Variants in SNTG1 observed in about 807,000 individuals in gnomAD.
The protein encoded by SNTG1 is syntrophin gamma 1.
Under a neutral mutation model 74.7 loss-of-function variants are expected in SNTG1, and 39 were observed. The observed-to-expected ratio is 0.52, with a 90% CI of 0.40 to 0.68. The LOEUF (loss-of-function observed/expected upper bound fraction) is 0.68, where lower values mean the gene tolerates loss of function less well. Among genes scored for constraint, SNTG1 ranks in the 30% least tolerant of loss-of-function variants. The pLI, the probability that SNTG1 is intolerant of heterozygous loss-of-function variation, is 0.00. For missense variants in SNTG1, 685 were observed against 609.5 expected (o/e 1.12, Z -1.30); for synonymous variants, 254 against 217.1 (o/e 1.17, Z -1.49).
chr8:50,561,359 T>G (rs150609540), intron 12 of SNTG1, among the ~76,000 whole-genome samples: 3 of 152,284 alleles, frequency 2.0e-5, no homozygotes, highest in South Asian at 4.1e-4. Flanking sequence ...TATTTCTTTA[T>G]AGCAGTGTGA....
At chr8:50,233,212 C>T (rs1586787054) in intron 2 of SNTG1, among the ~76,000 whole-genome samples, 1 of 151,624 alleles carries the variant, frequency 6.6e-6, no homozygotes, top group South Asian at 2.1e-4. Context: ...GGGATAGATA[C>T]ATAGATCAAT....
chr8:50,155,224 C>T (rs1053241442), intron 1 of SNTG1, among the ~76,000 whole-genome samples: 3 of 152,076 alleles, frequency 2.0e-5, no homozygotes, highest in Non-Finnish European at 4.4e-5. Flanking sequence ...TAAAAATACA[C>T]AGAGAGATCA....
At chr8:50,417,459 C>T (rs770620968) in intron 4 of SNTG1, among the ~76,000 whole-genome samples, 10 of 152,102 alleles carry the variant, frequency 6.6e-5, no homozygotes, top group Non-Finnish European at 1.2e-4. Flanking sequence ...TATGAAATGT[C>T]GCCCAGTTAT....
At position 50,238,745 on chromosome 8, in the gene SNTG1, T is replaced by G. The variant is rs183274700; in HGVS notation, c.-28+66110T>G. On this transcript the variant is annotated intron_variant, in intron 2 of 18. Coordinates refer to ENST00000642720, the MANE Select transcript of SNTG1 (RefSeq NM_018967.5). ...AAAACATATTTGCAAAGTATGCTTC[T>G]GACAAAAGTCTGATATCCAAAATGT... 1.6e-3 allele frequency among the ~76,000 whole-genome samples: 245 copies of G among 152,238 alleles called. 1 individual carries two copies. The highest frequency in any genetic ancestry group is 7.8e-4 in the Non-Finnish European group (53 of 68,020).
intron 15 of SNTG1, among the ~76,000 whole-genome samples, chr8:50,695,116 A>G (rs183592967): frequency 8.6e-5 from 13 of 151,950 alleles, no homozygotes; most frequent in African/African-American, 4.8e-5. Flanking sequence ...AATAAATGGC[A>G]TAAAGACTGA....
chr8:50,159,397 G>T (rs1284559052), intron 1 of SNTG1, among the ~76,000 whole-genome samples: 3 of 151,988 alleles, frequency 2.0e-5, no homozygotes, highest in Admixed American at 2.0e-4. Context: ...GCCTACTGTT[G>T]GCTTAGGACA....
intron 16 of SNTG1, chr8:50,708,623 G>A (rs2095452230): frequency 2.3e-6 from 1 of 425,596 alleles, no homozygotes; most frequent in Non-Finnish European, 4.2e-6. Context: ...AGACAGTGTA[G>A]CACAATGTAC....
At chr8:50,617,178 T>A (rs2094890534) in intron 13 of SNTG1, among the ~76,000 whole-genome samples, 1 of 152,140 alleles carries the variant, frequency 6.6e-6, no homozygotes, top group Non-Finnish European at 1.5e-5. Context: ...ATACATCCAT[T>A]TACTCCTTTA....
chr8:50,198,142 T>C (rs1053065868), intron 2 of SNTG1, among the ~76,000 whole-genome samples: 3 of 152,068 alleles, frequency 2.0e-5, no homozygotes, highest in Non-Finnish European at 2.9e-5. Flanking sequence ...AAGTCTCCCA[T>C]TTGCCGCCCC....
intron 4 of SNTG1, among the ~76,000 whole-genome samples, chr8:50,407,370 T>C (rs2131376594): frequency 6.6e-6 from 1 of 152,256 alleles, no homozygotes; most frequent in Non-Finnish European, 1.5e-5. Flanking sequence ...TGCTCTGAAG[T>C]CCTGGGTGGA....
At chr8:50,329,207 T>C (rs1287024456) in intron 2 of SNTG1, among the ~76,000 whole-genome samples, 1 of 152,200 alleles carries the variant, frequency 6.6e-6, no homozygotes, top group East Asian at 1.9e-4. Flanking sequence ...ATTGTCTGTC[T>C]ATGGCTTTTC....
chr8:50,667,177 T>G (rs1441693470), intron 15 of SNTG1, among the ~76,000 whole-genome samples: 2 of 152,076 alleles, frequency 1.3e-5, no homozygotes, highest in Non-Finnish European at 2.9e-5. Context: ...GCTAAAGGTT[T>G]GGGAGAGACC....
At chr8:50,390,744 A>C (rs1023906578) in intron 2 of SNTG1, among the ~76,000 whole-genome samples, 20 of 152,074 alleles carry the variant, frequency 1.3e-4, no homozygotes, top group Non-Finnish European at 2.2e-4. Context: ...CTTTTATTTC[A>C]TTGAGCAGTG....
At chr8:50,260,941 T>C (rs12547002) in intron 2 of SNTG1, among the ~76,000 whole-genome samples, 41,453 of 151,954 alleles carry the variant, frequency 0.27, 5,677 homozygotes, top group Middle Eastern at 0.37. Context: ...ATAATGGGAA[T>C]ACTAGAAAGA....
chr8:49,978,765 A>G (rs961971066), intron 1 of SNTG1, among the ~76,000 whole-genome samples: 1 of 152,170 alleles, frequency 6.6e-6, no homozygotes, highest in Non-Finnish European at 1.5e-5. Context: ...TCATTATCTA[A>G]TGTTGAATTC....
intron 1 of SNTG1, among the ~76,000 whole-genome samples, chr8:49,936,091 G>T (rs1200868894): frequency 6.6e-6 from 1 of 152,174 alleles, no homozygotes; most frequent in Admixed American, 6.5e-5. Context: ...GGTTCACAGA[G>T]AGACTTATTC....
intron 15 of SNTG1, among the ~76,000 whole-genome samples, chr8:50,664,681 A>G (rs1353994004): frequency 1.3e-5 from 2 of 152,168 alleles, no homozygotes; most frequent in Non-Finnish European, 2.9e-5. Context: ...TACCAATGGA[A>G]CTTAGATCTC....
intron 2 of SNTG1, among the ~76,000 whole-genome samples, chr8:50,223,838 A>G (rs1299007617): frequency 6.6e-6 from 1 of 152,208 alleles, no homozygotes; most frequent in East Asian, 1.9e-4. Context: ...TCAGTGTAGA[A>G]CAGATGCATT....
intron 15 of SNTG1, among the ~76,000 whole-genome samples, chr8:50,660,286 G>GA (rs1374899193): frequency 0.021 from 3,051 of 144,960 alleles, 116 homozygotes; most frequent in African/African-American, 0.072. Context: ...AAGAAGGAAA[G>GA]AAGAAAGAAA....
Sources: gnomAD v4.1 joint callset for allele counts (sites outside exome capture counted in the v4.1 genomes callset) on GRCh38, gnomAD v4.1.1 for gene constraint, MANE v1.5 for transcripts, NCBI Gene and HGNC (gene_info 2026-07-23, HGNC 2026-07-21) for gene names.